The following ARHGEF16 variants were observed in gnomAD, a reference collection of about 807,000 sequenced individuals.
ARHGEF16 encodes Rho guanine exchange factor (GEF) 16.
A neutral mutation model predicts 74.1 loss-of-function variants in ARHGEF16; 59 were observed. The observed-to-expected ratio is 0.80, with a 90% CI of 0.65 to 0.99. The LOEUF (loss-of-function observed/expected upper bound fraction) is 0.99. Ranked by LOEUF, ARHGEF16 falls within the 50% of genes least tolerant of loss-of-function variation. ARHGEF16 has a pLI of 0.00. For missense variants in ARHGEF16, 948 were observed against 986.6 expected (o/e 0.96, Z 0.52); for synonymous variants, 415 against 412.6 (o/e 1.01, Z -0.07).
chr1:3,455,003 C>A (rs1420452148), intron 1 of ARHGEF16, among the ~76,000 whole-genome samples, 192 bp downstream of exon 1: 3 of 152,036 alleles, frequency 2.0e-5, no homozygotes, highest in Non-Finnish European at 4.4e-5. Flanking sequence ...GCGGGAGAGG[C>A]GGGGCTCGCG....
intron 2 of ARHGEF16, among the ~76,000 whole-genome samples, chr1:3,465,182 C>A (rs1639506694): frequency 6.6e-6 from 1 of 152,260 alleles, no homozygotes; most frequent in Non-Finnish European, 1.5e-5. Flanking sequence ...CACTTCTGGG[C>A]ACCTGCCACA....
chr1:3,465,888 T>G (rs760920601), intron 2 of ARHGEF16: 25 of 498,008 alleles, frequency 5.0e-5, no homozygotes, highest in African/African-American at 8.0e-5. Flanking sequence ...CTCGAAACTC[T>G]TCTGAGCGTC....
At chr1:3,474,896 C>T (rs1377731466) in intron 9 of ARHGEF16, 114 bp downstream of exon 9, 12 of 905,512 alleles carry the variant, frequency 1.3e-5, no homozygotes, top group East Asian at 2.6e-5. Flanking sequence ...TCCAGGGCAG[C>T]GAGTGTTCTC....
At chr1:3,479,662 A>G in intron 13 of ARHGEF16, 72 bp downstream of exon 13, 1 of 1,579,868 alleles carries the variant, frequency 6.3e-7, no homozygotes, top group East Asian at 2.3e-5. Flanking sequence ...CTGTAGCCCA[A>G]GTGAGCCTGG....
intron 2 of ARHGEF16, among the ~76,000 whole-genome samples, chr1:3,464,317 C>T (rs920385119): frequency 6.6e-6 from 1 of 152,196 alleles, no homozygotes; most frequent in Non-Finnish European, 1.5e-5. Context: ...CCCTCATCCT[C>T]GGAGTCACCA....
rs780031254 is a variant in ARHGEF16, at chr1:3,463,682, T to A, written c.588+10T>A. The stretch of plus-strand genomic sequence containing the variant: ...CCCGGCCAAAAACAAGGTAGGGGCC[T>A]GCTCGTGTGGACCGTGGGGAGGGGG... On this transcript the variant is annotated intron_variant, in intron 2 of 14. Transcript: ENST00000378378. 3.6e-5 allele frequency: 51 copies of A among 1,405,226 alleles called. No homozygotes were observed. The highest frequency in any genetic ancestry group is 4.8e-5 in the Non-Finnish European group (51 of 1,073,382). The allele number at this position is 1,405,226 out of a possible 1,614,324, so 87.0% of individuals were successfully genotyped here. A position where few individuals can be genotyped will look rare whatever the true frequency, so the allele number is the denominator to read the frequency against.
chr1:3,480,017 C>CATGT, intron 14 of ARHGEF16, 104 bp downstream of exon 14: 1 of 1,119,712 alleles, frequency 8.9e-7, no homozygotes, highest in Non-Finnish European at 1.3e-6. Context: ...GCAGGCTGAC[C>CATGT]ATGTGCTCAC....
chr1:3,455,084 G>C (rs1639236314), intron 1 of ARHGEF16, among the ~76,000 whole-genome samples: 1 of 144,648 alleles, frequency 6.9e-6, no homozygotes, highest in Non-Finnish European at 1.5e-5. Flanking sequence ...GCCCCCGCCC[G>C]CTCGCTCGCT....
chr1:3,477,687 C>T (rs143805689), intron 10 of ARHGEF16, among the ~76,000 whole-genome samples, 188 bp from the exon 11 acceptor site: 40 of 152,084 alleles, frequency 2.6e-4, no homozygotes, highest in Non-Finnish European at 4.6e-4. Context: ...ATTTGAGGCC[C>T]GGACACATTG....
intron 8 of ARHGEF16, 138 bp downstream of exon 8, chr1:3,473,660 C>G (rs959191394): frequency 1.4e-6 from 2 of 1,388,756 alleles, no homozygotes; most frequent in Admixed American, 4.1e-5. Context: ...AGTTACGATC[C>G]TAAGATGGCT....
At chr1:3,471,326 G>A (rs1639715995) in intron 6 of ARHGEF16, among the ~76,000 whole-genome samples, 1 of 152,074 alleles carries the variant, frequency 6.6e-6, no homozygotes, top group Non-Finnish European at 1.5e-5. Flanking sequence ...GCACAGGGCT[G>A]CCCCAACAGT....
At chr1:3,456,444 G>C (rs1445481981) in intron 1 of ARHGEF16, among the ~76,000 whole-genome samples, 1 of 152,210 alleles carries the variant, frequency 6.6e-6, no homozygotes, top group Non-Finnish European at 1.5e-5. Flanking sequence ...CATCCGTCTG[G>C]AGCAGCGTCC....
chr1:3,471,497 TATGGGAAA>T (rs1639721269), intron 6 of ARHGEF16: 26 of 380,188 alleles, frequency 6.8e-5, no homozygotes, highest in Non-Finnish European at 9.3e-5. Flanking sequence ...AGGGACCAGC[TATGGGAAA>T]CTCCCAACCT....
In ARHGEF16 at chr1:3,478,437, AT is replaced by A; in HGVS notation, c.1640del (p.Met547ArgfsTer8). On this transcript the variant is annotated frameshift_variant, in exon 12 of 15. Transcript: ENST00000378378. LOFTEE classifies it high-confidence loss of function. ...VTKKKSEESYMVQDYAQMNHI... is the reference protein window; with the variant it reads ...VTKKKSEESYXVQDYAQMNHI... ...GTGTCTCCACAGCGAGGAGAGCTAC[AT>A]GGTCCAGGACTACGCCCAGATGAAC... The A allele has an allele frequency of 6.2e-7, 1 of 1,602,782 alleles. No homozygotes were observed. The highest frequency in any genetic ancestry group is 8.5e-7 in the Non-Finnish European group (1 of 1,172,652).
At chr1:3,462,005 G>A (rs781188134) in intron 1 of ARHGEF16, among the ~76,000 whole-genome samples, 8 of 152,124 alleles carry the variant, frequency 5.3e-5, no homozygotes, top group Admixed American at 2.0e-4. Context: ...GTAGTGTCAG[G>A]GGCAGGGTGC....
At chr1:3,476,685 C>T (rs1031242765) in intron 10 of ARHGEF16, among the ~76,000 whole-genome samples, 5 of 152,150 alleles carry the variant, frequency 3.3e-5, no homozygotes, top group Admixed American at 1.3e-4. Context: ...TCCCCTAAGG[C>T]GGGCCCAGGT....
intron 13 of ARHGEF16, 60 bp downstream of exon 13, chr1:3,479,650 C>A: frequency 6.3e-7 from 1 of 1,585,462 alleles, no homozygotes; most frequent in East Asian, 2.3e-5. Flanking sequence ...CTTTGGCCCC[C>A]ACTGTAGCCC....
rs753226301 is a variant in ARHGEF16 at position 3,463,357 on chromosome 1, G to C, written c.273G>C (p.Lys91Asn). 6 of 1,550,182 alleles carry C rather than the reference G, an allele frequency of 3.9e-6. No individual in the cohort carries two copies. Among genetic ancestry groups the C allele is most frequent in the African/African-American group, 1.4e-5 (1 of 73,142 alleles). ...LKLGTQQLIP[K>N]SLAVASKAKT... is the part of the protein sequence containing the mutation. ...TGGGCACCCAACAGCTGATCCCTAA[G>C]AGCCTGGCTGTGGCCAGCAAGGCAA... Residue 91 changes from lysine (K) to asparagine (N), a missense_variant, in exon 2 of 15, where the codon AAG (lysine) becomes AAC (asparagine). By Grantham distance (94) the Lys-to-Asn change is moderately conservative. Transcript: ENST00000378378.
At chr1:3,466,896 C>G (rs970793543) in intron 3 of ARHGEF16, 1 of 376,928 alleles carries the variant, frequency 2.7e-6, no homozygotes, top group East Asian at 4.4e-5. Flanking sequence ...GAGGCAGCAG[C>G]GATGCCCCAC....
Sources: allele counts gnomAD v4.1 joint callset (sites outside exome capture counted in the v4.1 genomes callset), GRCh38; gene constraint gnomAD v4.1.1; transcripts MANE v1.5; gene names NCBI Gene and HGNC (gene_info 2026-07-23, HGNC 2026-07-21).